Variants in GALNT3 observed in about 807,000 individuals in gnomAD.
GALNT3 encodes the protein polypeptide N-acetylgalactosaminyltransferase 3, also known as GalNAc transferase 3.
In GALNT3, 51 loss-of-function variants were observed where a neutral mutation model predicts 69.8. The observed-to-expected ratio is 0.73, with a 90% CI of 0.58 to 0.92. The LOEUF (loss-of-function observed/expected upper bound fraction) is 0.92, where lower values mean the gene tolerates loss of function less well. GALNT3 is among the 40% of genes least tolerant of loss of function. The pLI is 0.00. For missense variants in GALNT3, 711 were observed against 760.0 expected (o/e 0.94, Z 0.76); for synonymous variants, 265 against 248.5 (o/e 1.07, Z -0.63).
chr2:165,749,939 C>T (rs370837483), intron 9 of GALNT3, 45 bp from the exon 10 acceptor site: 56 of 1,559,846 alleles, frequency 3.6e-5, no homozygotes, highest in Non-Finnish European at 4.7e-5. Flanking sequence ...AACCCATGTG[C>T]TCAGTTGCAA....
chr2:165,758,946 A>C, intron 5 of GALNT3, 82 bp from the exon 6 acceptor site: 1 of 889,778 alleles, frequency 1.1e-6, no homozygotes. Flanking sequence ...AAGTTAAAAA[A>C]TTAAAGCCAT....
chr2:165,754,592 C>T lies in GALNT3; in HGVS notation c.1626+35G>A, dbSNP rs1437659627. The T allele has an allele frequency of 6.3e-6, 9 of 1,428,636 alleles. No homozygotes were observed. The South Asian group carries it at 1.0e-4, about 16-fold the overall frequency. 88.5% of individuals were successfully genotyped at this position (1,428,636 alleles called of 1,614,324 possible). ...AACATCTCACTTGTGCTTGTAAATG[C>T]TTTACAAGTGAAGGATTTTTAATGC... On this transcript the variant is annotated intron_variant, in intron 9 of 10. Coordinates refer to ENST00000392701, the MANE Select transcript of GALNT3 (RefSeq NM_004482.4).
intron 9 of GALNT3, among the ~76,000 whole-genome samples, chr2:165,752,462 A>C (rs1275116463): frequency 1.3e-5 from 2 of 152,202 alleles, no homozygotes; most frequent in African/African-American, 2.4e-5. Context: ...CTACGGTAAC[A>C]GTCAGTACAA....
chr2:165,755,315 T>C (rs1160363167), intron 7 of GALNT3, among the ~76,000 whole-genome samples: 1 of 152,172 alleles, frequency 6.6e-6, no homozygotes, highest in Non-Finnish European at 1.5e-5. Flanking sequence ...TTATTCTTCA[T>C]TTGTGCCACA....
At chr2:165,767,171 T>C (rs73972167) in intron 2 of GALNT3, among the ~76,000 whole-genome samples, 2 of 151,800 alleles carry the variant, frequency 1.3e-5, no homozygotes, top group Non-Finnish European at 2.9e-5. Flanking sequence ...AATGACTAAA[T>C]ATAAGCTTAT....
chr2:165,759,321 G>A lies in GALNT3; in HGVS notation c.1073+15C>T. On this transcript the variant is annotated intron_variant, in intron 5 of 10. Coordinates refer to ENST00000392701, the MANE Select transcript of GALNT3 (RefSeq NM_004482.4). ...ATAGGGTGTAAATATAAGACTCTGAGAGCAATCATCTTACTTAATTGGGTA... is the reference window on the plus strand; with the variant it reads ...ATAGGGTGTAAATATAAGACTCTGAAAGCAATCATCTTACTTAATTGGGTA... The A allele has an allele frequency of 6.3e-7, 1 of 1,590,026 alleles. No individual in the cohort carries two copies. The highest frequency in any genetic ancestry group is 8.6e-7 in the Non-Finnish European group (1 of 1,159,342).
chr2:165,787,265 C>G (rs1269805162), intron 1 of GALNT3, among the ~76,000 whole-genome samples: 1 of 152,196 alleles, frequency 6.6e-6, no homozygotes, highest in Non-Finnish European at 1.5e-5. Context: ...GAAGAGCCTT[C>G]CAGGCCAGGA....
intron 1 of GALNT3, among the ~76,000 whole-genome samples, chr2:165,786,939 T>G (rs1233726382): frequency 6.6e-6 from 1 of 152,220 alleles, no homozygotes; most frequent in Non-Finnish European, 1.5e-5. Flanking sequence ...GTACTTATTA[T>G]GAGAATAAAT....
At chr2:165,773,129 G>T (rs1688782133) in intron 1 of GALNT3, among the ~76,000 whole-genome samples, 1 of 152,102 alleles carries the variant, frequency 6.6e-6, no homozygotes, top group Admixed American at 6.5e-5. Context: ...TGGTGATATG[G>T]TTTGGCTGTG....
At chr2:165,780,411 C>A (rs1421919739) in intron 1 of GALNT3, among the ~76,000 whole-genome samples, 1 of 152,174 alleles carries the variant, frequency 6.6e-6, no homozygotes, top group African/African-American at 2.4e-5. Context: ...CCATAAAAAC[C>A]ATTAACAACT....
At chr2:165,767,795 A>C (rs1347926206) in intron 2 of GALNT3, among the ~76,000 whole-genome samples, 1 of 152,098 alleles carries the variant, frequency 6.6e-6, no homozygotes, top group Admixed American at 6.6e-5. Context: ...TCTAATGAGC[A>C]TGGAAAACAT....
rs1281325786 is a variant in GALNT3 at position 165,757,185 on chromosome 2, G to C, written c.1254C>G (p.Arg418=). ...MPCSVVGHVF[R]SKSPHSFPKG... ...TTGGAAAGCTATGAGGGCTTTTGCT[G>C]CGAAAAACATGTCCAACAACAGAGC... Residue 418 remains arginine (R), a synonymous_variant, in exon 7 of 11, where the codon CGC becomes CGG. Transcript: ENST00000392701. The C allele has an allele frequency of 6.2e-7, 1 of 1,613,958 alleles. No homozygotes were observed. Among genetic ancestry groups the C allele is most frequent in the Non-Finnish European group, 8.5e-7 (1 of 1,179,970 alleles).
At chr2:165,763,572 A>G (rs1156810836) in intron 3 of GALNT3, among the ~76,000 whole-genome samples, 1 of 152,196 alleles carries the variant, frequency 6.6e-6, no homozygotes, top group African/African-American at 2.4e-5. Context: ...GCAGAATTGT[A>G]ACTCATCTTA....
chr2:165,774,913 T>C (rs959971011), intron 1 of GALNT3, among the ~76,000 whole-genome samples: 159 of 139,778 alleles, frequency 1.1e-3, no homozygotes, highest in African/African-American at 4.0e-3. Context: ...TTCTCTCTTT[T>C]TTTTTTTTTT....
chr2:165,757,965 C>G (rs1490592531), intron 6 of GALNT3, among the ~76,000 whole-genome samples: 1 of 152,120 alleles, frequency 6.6e-6, no homozygotes, highest in Admixed American at 6.6e-5. Context: ...TGTAGTAGAG[C>G]AAGTGATTAC....
rs1425657073 is a variant in GALNT3 at position 165,770,484 on chromosome 2, T to C, written c.217A>G (p.Ile73Val). ...LDLMLEAVNN[I>V]KDAMPKMQIG... Reference sequence around the variant, plus strand: ...TGCATTTTTGGCATGGCATCCTTAATATTGTTTACAGCTTCTAGCATTAAA... The same window carrying C: ...TGCATTTTTGGCATGGCATCCTTAACATTGTTTACAGCTTCTAGCATTAAA... The change falls in exon 2 of 11, where the codon ATT becomes GTT. Residue 73 changes from isoleucine to valine, a missense_variant. Coordinates refer to ENST00000392701, the MANE Select transcript of GALNT3 (RefSeq NM_004482.4). 1 of 1,614,240 alleles carries C rather than the reference T, an allele frequency of 6.2e-7. No homozygotes were observed. The highest frequency in any genetic ancestry group is 8.5e-7 in the Non-Finnish European group (1 of 1,180,028).
chr2:165,775,002 G>A (rs1224106504), intron 1 of GALNT3, among the ~76,000 whole-genome samples: 1 of 134,568 alleles, frequency 7.4e-6, no homozygotes, highest in African/African-American at 2.9e-5. Context: ...GGATCCTCCT[G>A]TCTCAGCCTC....
intron 2 of GALNT3, among the ~76,000 whole-genome samples, chr2:165,766,301 A>G (rs1006274892): frequency 6.6e-6 from 1 of 152,254 alleles, no homozygotes; most frequent in African/African-American, 2.4e-5. Flanking sequence ...TTGATTGGGC[A>G]CAGGGAGAGA....
intron 4 of GALNT3, 56 bp from the exon 5 acceptor site, chr2:165,759,626 A>G (rs1688508698): frequency 1.5e-6 from 2 of 1,330,928 alleles, no homozygotes; most frequent in East Asian, 4.9e-5. Flanking sequence ...TTTTTTCTTT[A>G]GTTATTTAGG....
Sources: allele counts gnomAD v4.1 joint callset (sites outside exome capture counted in the v4.1 genomes callset), GRCh38; gene constraint gnomAD v4.1.1; transcripts MANE v1.5; gene names NCBI Gene and HGNC (gene_info 2026-07-23, HGNC 2026-07-21).